The following NAV1 variants were observed in gnomAD, a reference collection of about 807,000 sequenced individuals.
NAV1 encodes the protein pore membrane and/or filament interacting like protein 3.
A neutral mutation model predicts 175.2 loss-of-function variants in NAV1; 18 were observed. That is an observed-to-expected ratio of 0.10 (90% confidence interval 0.07 to 0.15). The LOEUF (loss-of-function observed/expected upper bound fraction) is 0.15, where lower values mean the gene tolerates loss of function less well. Ranked by LOEUF, NAV1 falls within the 10% of genes least tolerant of loss-of-function variation. The pLI is 1.00. For missense variants in NAV1, 1,731 were observed against 2,436.6 expected, an observed-to-expected ratio of 0.71 and a Z score of 6.10; for synonymous variants, 897 against 978.7, an observed-to-expected ratio of 0.92 and a Z score of 1.56.
chr1:201,575,144 G>A (rs563498356), intron 1 of NAV1, among the ~76,000 whole-genome samples: 47 of 152,350 alleles, frequency 3.1e-4, no homozygotes, highest in African/African-American at 1.1e-3. Context: ...TTGTTCTGAT[G>A]TGTTTCTAAC....
intron 1 of NAV1, among the ~76,000 whole-genome samples, chr1:201,666,916 G>A (rs1208761799): frequency 2.6e-5 from 4 of 151,922 alleles, no homozygotes; most frequent in African/African-American, 9.7e-5. Context: ...TTCTCTCAAC[G>A]GAATTAAAAA....
intron 2 of NAV1, among the ~76,000 whole-genome samples, chr1:201,594,462 A>G (rs1348428447): frequency 6.6e-6 from 1 of 152,198 alleles, no homozygotes; most frequent in Non-Finnish European, 1.5e-5. Flanking sequence ...CTGTAATCAG[A>G]GGTCTGTGGA....
At chr1:201,712,537 G>C (rs1671950549) in intron 1 of NAV1, among the ~76,000 whole-genome samples, 1 of 152,196 alleles carries the variant, frequency 6.6e-6, no homozygotes, top group Non-Finnish European at 1.5e-5. Flanking sequence ...GCCAGAGGTA[G>C]AGGCAGTTCC....
chr1:201,593,112 C>T (rs1667250685), intron 2 of NAV1, among the ~76,000 whole-genome samples: 1 of 152,166 alleles, frequency 6.6e-6, no homozygotes, highest in Admixed American at 6.5e-5. Flanking sequence ...GTTTTGATAT[C>T]TGGGGCTGAG....
chr1:201,551,463 A>C (rs773049630), intron 1 of NAV1, among the ~76,000 whole-genome samples: 6 of 152,142 alleles, frequency 3.9e-5, no homozygotes, highest in Non-Finnish European at 8.8e-5. Flanking sequence ...TCCGAGGCTC[A>C]AGTGATCTTC....
Position 201,808,583 on chromosome 1 carries a change from G to A in NAV1, c.4011G>A (p.Gln1337=). The A allele has an allele frequency of 6.2e-7, 1 of 1,614,260 alleles. No individual in the cohort carries two copies. The highest frequency in any genetic ancestry group is 8.5e-7 in the Non-Finnish European group (1 of 1,180,050). ...TCAACTCTGCCCACCAACTGGATCA[G>A]CTTCGGGAGACCATGCACAACATGC... Residue 1337 remains glutamine, a synonymous_variant, in exon 19 of 30, where the codon CAG becomes CAA. Coordinates refer to ENST00000367296, the Ensembl canonical transcript of NAV1. The surrounding 1 kb of genome is among the most constrained non-coding windows in gnomAD (Gnocchi z 5.5).
At chr1:201,818,379 T>A (rs1389371126) in intron 29 of NAV1, among the ~76,000 whole-genome samples, 12 of 151,068 alleles carry the variant, frequency 7.9e-5, no homozygotes, top group African/African-American at 2.9e-4. Context: ...ATACAAAAAA[T>A]TAGCCAGGCG....
rs1021476775 is a variant in NAV1 at position 201,786,593 on chromosome 1, C to G, written c.2995+16C>G. 2.0e-5 allele frequency: 32 copies of G among 1,608,858 alleles called. No homozygotes were observed. The highest frequency in any genetic ancestry group is 2.6e-5 in the Non-Finnish European group (31 of 1,177,754). On this transcript the variant is annotated intron_variant, in intron 9 of 29. Coordinates refer to ENST00000367296, the Ensembl canonical transcript of NAV1. The stretch of plus-strand genomic sequence containing the variant: ...ACCAACATAGGTTAGTGTTTTCAGT[C>G]ACTCACTGTGGCATGGGGTGAAGCA...
intron 1 of NAV1, among the ~76,000 whole-genome samples, chr1:201,668,638 C>A (rs900514715): frequency 1.3e-5 from 2 of 152,140 alleles, no homozygotes; most frequent in African/African-American, 2.4e-5. Context: ...TGCAGCCCCC[C>A]ACCCCACTGC....
chr1:201,667,007 T>C (rs1355551766), intron 1 of NAV1, among the ~76,000 whole-genome samples: 3 of 152,186 alleles, frequency 2.0e-5, no homozygotes, highest in Admixed American at 6.5e-5. Context: ...AAGACACCTC[T>C]GGGTCAGAAT....
chr1:201,818,299 C>T (rs10920256), intron 29 of NAV1, among the ~76,000 whole-genome samples: 2,109 of 151,714 alleles, frequency 0.014, 38 homozygotes, highest in African/African-American at 0.045. Flanking sequence ...GAGGCCAAGG[C>T]GGGCGGATCA....
intron 1 of NAV1, among the ~76,000 whole-genome samples, chr1:201,660,437 C>A (rs1008607653): frequency 1.3e-5 from 2 of 152,186 alleles, no homozygotes; most frequent in Non-Finnish European, 2.9e-5. Flanking sequence ...CGTCAGGCCT[C>A]CCTACTTGGC....
At chr1:201,634,722 T>G (rs903137596) in intron 2 of NAV1, among the ~76,000 whole-genome samples, 4 of 152,210 alleles carry the variant, frequency 2.6e-5, no homozygotes, top group African/African-American at 9.6e-5. Flanking sequence ...TGACCCAATG[T>G]TAGCCATTTC....
intron 1 of NAV1, among the ~76,000 whole-genome samples, chr1:201,574,898 G>T (rs747903799): frequency 3.9e-5 from 6 of 152,178 alleles, no homozygotes; most frequent in Non-Finnish European, 5.9e-5. Flanking sequence ...TCAGACTGGG[G>T]TGCTCATGGC....
rs373020864 is a variant in NAV1 at position 201,810,824 on chromosome 1, C to T, written c.4797+66C>T. On this transcript the variant is annotated intron_variant, in intron 24 of 29. Transcript: ENST00000367296. The surrounding 1 kb of genome is among the most constrained non-coding windows in gnomAD (Gnocchi z 6.0). ...CTCAGCCTTCCCTAAGACCCTTCCT[C>T]GGCCCCTTCCTGCCTCATTGTTCCC... 195 of 1,217,212 alleles carry T rather than the reference C, an allele frequency of 1.6e-4. 3 individuals are homozygous for T. The South Asian group carries it at 2.2e-3, about 14-fold the overall frequency. 75.4% of individuals were successfully genotyped at this position (1,217,212 alleles called of 1,614,324 possible).
intron 1 of NAV1, among the ~76,000 whole-genome samples, chr1:201,695,284 C>T (rs1392395957): frequency 6.6e-6 from 1 of 152,206 alleles, no homozygotes; most frequent in Non-Finnish European, 1.5e-5. Context: ...GCTTTCTCCT[C>T]TCCGGGCCCT....
At chr1:201,801,428 T>C (rs1677860345) in intron 15 of NAV1, among the ~76,000 whole-genome samples, 1 of 152,216 alleles carries the variant, frequency 6.6e-6, no homozygotes, top group Non-Finnish European at 1.5e-5. Context: ...CCCCTTCCTC[T>C]AGTTTAGTTT....
intron 1 of NAV1, 45 bp downstream of exon 3, chr1:201,623,651 T>G (rs1668241072): frequency 4.1e-5 from 40 of 986,140 alleles, no homozygotes; most frequent in South Asian, 2.8e-4. Context: ...AGAGCCATGC[T>G]GGGACCAAGG....
intron 2 of NAV1, among the ~76,000 whole-genome samples, chr1:201,603,663 A>G (rs1034240701): frequency 6.6e-6 from 1 of 152,078 alleles, no homozygotes; most frequent in Non-Finnish European, 1.5e-5. Flanking sequence ...CCCACTCCAG[A>G]CAGTAGGCCA....
Sources: allele counts gnomAD v4.1 joint callset (sites outside exome capture counted in the v4.1 genomes callset), GRCh38; gene constraint gnomAD v4.1.1; non-coding constraint Gnocchi (gnomAD v3.1); transcripts MANE v1.5; gene names NCBI Gene and HGNC (gene_info 2026-07-23, HGNC 2026-07-21).